TUBGCP3: variants seen among roughly 807,000 people sequenced by gnomAD.
TUBGCP3 encodes the protein tubulin gamma complex component 3, also known as gamma-tubulin complex component 3.
A neutral mutation model predicts 123.1 loss-of-function variants in TUBGCP3; 50 were observed. That is an observed-to-expected ratio of 0.41 (90% CI 0.32 to 0.51). The LOEUF (loss-of-function observed/expected upper bound fraction) is 0.51, where lower values mean the gene tolerates loss of function less well. Among genes scored for constraint, TUBGCP3 ranks in the 20% least tolerant of loss-of-function variants. The pLI, the probability that TUBGCP3 is intolerant of heterozygous loss-of-function variation, is 0.36. For synonymous variants in TUBGCP3, 405 were observed against 413.9 expected (o/e 0.98, Z 0.26); for missense variants, 882 against 1,127.0 (o/e 0.78, Z 3.11).
intron 8 of TUBGCP3, among the ~76,000 whole-genome samples, chr13:112,551,778 AAAG>A (rs1260754164): frequency 2.6e-5 from 4 of 152,174 alleles, no homozygotes; most frequent in African/African-American, 7.2e-5. Context: ...AAAGAAGATA[AAAG>A]AAGAGCCTCT....
rs796400056 is a variant in TUBGCP3 at position 112,537,464 on chromosome 13, T to C, written c.1335+8235A>G. Among the ~76,000 whole-genome samples, 4 of 152,220 alleles carry C rather than the reference T, an allele frequency of 2.6e-5. No homozygotes were observed. In the South Asian group the frequency reaches 8.3e-4, roughly 32 times the overall value. On this transcript the variant is annotated intron_variant, in intron 11 of 21. Transcript: ENST00000261965. ...TTACATTGATTGACTTTGATTATAT[T>C]GAACTACCCTTGCATTCTTGGGATT... is the stretch of plus-strand genomic sequence containing the variant.
intron 6 of TUBGCP3, among the ~76,000 whole-genome samples, chr13:112,555,567 T>C (rs1037267464): frequency 1.3e-5 from 2 of 152,220 alleles, no homozygotes; most frequent in Non-Finnish European, 2.9e-5. Context: ...CCATGAGGTA[T>C]TCATCTCACC....
At chr13:112,502,153 G>T (rs1383044854) in intron 19 of TUBGCP3, among the ~76,000 whole-genome samples, 1 of 152,144 alleles carries the variant, frequency 6.6e-6, no homozygotes, top group African/African-American at 2.4e-5. Flanking sequence ...AGCCACTATG[G>T]TCAACATTAT....
At chr13:112,502,396 C>T (rs892254341) in intron 19 of TUBGCP3, among the ~76,000 whole-genome samples, 5 of 152,100 alleles carry the variant, frequency 3.3e-5, no homozygotes, top group African/African-American at 9.7e-5. Flanking sequence ...TAAACGTGTG[C>T]GGACAATGCT....
chr13:112,505,025 C>G (rs1014781015), intron 17 of TUBGCP3, among the ~76,000 whole-genome samples: 1 of 152,110 alleles, frequency 6.6e-6, no homozygotes, highest in Non-Finnish European at 1.5e-5. Context: ...ACGCAGTGCA[C>G]TGAATAAATA....
At chr13:112,541,016 C>T (rs1878477260) in intron 11 of TUBGCP3, among the ~76,000 whole-genome samples, 3 of 152,110 alleles carry the variant, frequency 2.0e-5, no homozygotes, top group African/African-American at 4.8e-5. Context: ...CCACACTAGT[C>T]CTAAGGGTCT....
intron 2 of TUBGCP3, among the ~76,000 whole-genome samples, chr13:112,568,906 G>C (rs917265949): frequency 6.6e-6 from 1 of 152,192 alleles, no homozygotes; most frequent in Non-Finnish European, 1.5e-5. Context: ...CTAACAAATG[G>C]AAAGCTTTCT....
chr13:112,527,515 G>T, intron 11 of TUBGCP3, 31 bp from the exon 12 acceptor site: 1 of 1,509,820 alleles, frequency 6.6e-7, no homozygotes, highest in Non-Finnish European at 9.2e-7. Context: ...AAATGTTCAA[G>T]AGTGATATTT....
chr13:112,548,753 C>T (rs1251002154), intron 8 of TUBGCP3, among the ~76,000 whole-genome samples: 1 of 152,156 alleles, frequency 6.6e-6, no homozygotes, highest in Non-Finnish European at 1.5e-5. Context: ...CATCACTGGC[C>T]ATCAGAGACA....
intron 17 of TUBGCP3, among the ~76,000 whole-genome samples, chr13:112,505,176 G>A (rs1054471026): frequency 6.6e-6 from 1 of 152,146 alleles, no homozygotes; most frequent in Non-Finnish European, 1.5e-5. Flanking sequence ...GAGGAGCCTC[G>A]AGGGAGGTCA....
At chr13:112,503,062 C>T (rs528718575) in intron 19 of TUBGCP3, among the ~76,000 whole-genome samples, 3 of 152,112 alleles carry the variant, frequency 2.0e-5, no homozygotes, top group Non-Finnish European at 4.4e-5. Flanking sequence ...CCTGAAGTGG[C>T]GTGTTTTCCA....
At position 112,545,646 on chromosome 13, in the gene TUBGCP3, T is replaced by C. The variant is rs531033003; in HGVS notation, c.1335+53A>G. ...GAGGGGAAAAATGAAACAGCATAAC[T>C]GCGTGCCCATGCTTTTTAAATCCAA... On this transcript the variant is annotated intron_variant, in intron 11 of 21. Coordinates refer to ENST00000261965, the MANE Select transcript of TUBGCP3 (RefSeq NM_006322.6). This position sits in a 1 kb window ranked among gnomAD's most constrained non-coding sequence, Gnocchi z 4.1. The C allele has an allele frequency of 6.3e-7, 1 of 1,592,846 alleles. No individual in the cohort carries two copies. The highest frequency in any genetic ancestry group is 1.7e-5 in the Admixed American group (1 of 59,808).
intron 20 of TUBGCP3, among the ~76,000 whole-genome samples, chr13:112,496,985 C>CAAA (rs60584662): frequency 9.8e-6 from 1 of 101,720 alleles, no homozygotes. Context: ...GACTCCCTCT[C>CAAA]AAAAAAAAAA....
intron 11 of TUBGCP3, among the ~76,000 whole-genome samples, chr13:112,534,581 G>C (rs935711840): frequency 6.6e-6 from 1 of 151,492 alleles, no homozygotes; most frequent in African/African-American, 2.4e-5. Flanking sequence ...AAAAACTCCT[G>C]CAAGGCCCCA....
At chr13:112,512,519 A>C (rs552869641) in intron 17 of TUBGCP3, among the ~76,000 whole-genome samples, 1 of 151,534 alleles carries the variant, frequency 6.6e-6, no homozygotes. Flanking sequence ...AGATCACCTT[A>C]GGCCAGGAGC....
chr13:112,488,437 C>T (rs987934519), intron 21 of TUBGCP3, among the ~76,000 whole-genome samples: 2 of 152,224 alleles, frequency 1.3e-5, no homozygotes. Context: ...CAGCCGTCCC[C>T]AGCCTTCCGG....
chr13:112,522,429 A>G lies in TUBGCP3; in HGVS notation c.1636T>C (p.Leu546=), dbSNP rs1271990247. 6.2e-7 allele frequency: 1 copy of G among 1,614,172 alleles called. No individual in the cohort carries two copies. The highest frequency in any genetic ancestry group is 1.7e-5 in the Admixed American group (1 of 60,022). Residue 546 remains leucine (L), a synonymous_variant, in exon 14 of 22, where the codon TTG becomes CTG. Transcript: ENST00000261965. ...CTGTACTTTTTATTGAGAACATCCA[A>G]CAGGTATTTGCTGGTCTCAAAATAA... ...AAYFETSKYL[L]DVLNKKYSLL...
intron 11 of TUBGCP3, among the ~76,000 whole-genome samples, chr13:112,537,975 C>T (rs1056642360): frequency 3.3e-5 from 5 of 152,162 alleles, no homozygotes; most frequent in African/African-American, 1.2e-4. Flanking sequence ...CTTGAATCAT[C>T]ATGGTTTTGC....
chr13:112,526,857 A>G, intron 13 of TUBGCP3, 85 bp downstream of exon 13: 3 of 970,694 alleles, frequency 3.1e-6, no homozygotes, highest in Non-Finnish European at 3.3e-6. Context: ...CATCAACATC[A>G]CTGTTACCAT....
Sources: allele counts gnomAD v4.1 joint callset (sites outside exome capture counted in the v4.1 genomes callset), GRCh38; gene constraint gnomAD v4.1.1; non-coding constraint Gnocchi (gnomAD v3.1); transcripts MANE v1.5; gene names NCBI Gene and HGNC (gene_info 2026-07-23, HGNC 2026-07-21).